Variants in CSMD2 observed in about 807,000 individuals in gnomAD.
CSMD2 encodes CUB and Sushi multiple domains 2.
In CSMD2, 130 loss-of-function variants were observed where a neutral mutation model predicts 398.5. The ratio of observed to expected loss-of-function variants is 0.33; its 90% CI spans 0.28 to 0.38. The LOEUF is 0.38. Ranked by LOEUF, CSMD2 falls within the 10% of genes least tolerant of loss-of-function variation. CSMD2 has a pLI of 1.00. For missense variants in CSMD2, 3,829 were observed against 4,764.9 expected, an observed-to-expected ratio of 0.80 and a Z score of 5.78; for synonymous variants, 1,828 against 1,908.5, an observed-to-expected ratio of 0.96 and a Z score of 1.10.
intron 33 of CSMD2, among the ~76,000 whole-genome samples, chr1:33,626,076 C>A (rs1355582677): frequency 6.6e-6 from 1 of 152,194 alleles, no homozygotes. Flanking sequence ...AGGTGGGATT[C>A]AAATCGATGT....
chr1:33,543,168 A>G (rs1656527183), intron 57 of CSMD2, among the ~76,000 whole-genome samples: 1 of 152,340 alleles, frequency 6.6e-6, no homozygotes, highest in East Asian at 1.9e-4. Context: ...ACAATTGCTT[A>G]ATATCACCAA....
At chr1:33,911,867 C>T (rs1011080286) in intron 5 of CSMD2, among the ~76,000 whole-genome samples, 1 of 152,208 alleles carries the variant, frequency 6.6e-6, no homozygotes, top group Non-Finnish European at 1.5e-5. Context: ...CAGCATCTTC[C>T]TTAGAGAATT....
At position 33,625,079 on chromosome 1, in the gene CSMD2, T is replaced by G. The variant is rs16835683; in HGVS notation, c.5472A>C (p.Gln1824His). 6.2e-7 allele frequency: 1 copy of G among 1,613,858 alleles called. No individual in the cohort carries two copies. Residue 1824 changes from glutamine to histidine, a missense_variant, in exon 34 of 71, where the codon CAA (glutamine) becomes CAC (histidine). Gln to His is a conservative substitution (Grantham distance 24). This residue lies in a region of CSMD2 where 2,001 missense variants were observed against 2,567.1 expected (regional missense o/e 0.78). Coordinates refer to ENST00000373381, the MANE Select transcript of CSMD2 (RefSeq NM_001281956.2). The part of the protein sequence containing the change: ...ECLPVPGALA[Q>H]WNVSAPTCVV... ...CACACGTGGGCGCTGAGACATTCCA[T>G]TGGGCCAAGGCCCCAGGCACAGGGA... is the stretch of plus-strand genomic sequence containing the variant.
intron 41 of CSMD2, among the ~76,000 whole-genome samples, chr1:33,608,989 G>A (rs988413304): frequency 2.6e-5 from 4 of 152,160 alleles, no homozygotes; most frequent in Non-Finnish European, 5.9e-5. Flanking sequence ...GTGACATCAC[G>A]GCCATCCGAC....
At chr1:33,673,591 A>G (rs1484409506) in intron 25 of CSMD2, among the ~76,000 whole-genome samples, 1 of 152,192 alleles carries the variant, frequency 6.6e-6, no homozygotes, top group Non-Finnish European at 1.5e-5. Context: ...CCAACATTCA[A>G]ATTCAGGAAA....
chr1:33,999,542 T>C lies in CSMD2; in HGVS notation c.517+33052A>G, dbSNP rs116115635. On this transcript the variant is annotated intron_variant, in intron 3 of 70. Coordinates refer to ENST00000373381, the MANE Select transcript of CSMD2 (RefSeq NM_001281956.2). Reference sequence around the variant, plus strand: ...TCCTGAGTAGTTGGGACCGCATGCATGCACCACCTCACCCAGCTAATTTTT... The same window carrying C: ...TCCTGAGTAGTTGGGACCGCATGCACGCACCACCTCACCCAGCTAATTTTT... Among the ~76,000 whole-genome samples the C allele has an allele frequency of 5.9e-3, 892 of 151,982 alleles. 8 individuals carry two copies. The highest frequency in any genetic ancestry group is 0.02 in the African/African-American group (809 of 41,450).
In CSMD2 at chr1:33,567,700, C is replaced by T. The variant is rs776112521; in HGVS notation, c.8273G>A (p.Arg2758Gln). 5.6e-6 allele frequency: 9 copies of T among 1,613,974 alleles called. No homozygotes were observed. The highest frequency in any genetic ancestry group is 4.5e-5 in the East Asian group (2 of 44,874). ...ATTGCATTGGTACACCACACTGCCC[C>T]GGTAGCTGTAGTTCTCCCCATTGAT... ...GHINGENYSY[R>Q]GSVVYQCNAG... is the part of the protein sequence containing the mutation. The change falls in exon 53 of 71, where the codon CGG becomes CAG. Residue 2758 changes from arginine to glutamine, a missense_variant. By Grantham distance (43) the Arg-to-Gln change is conservative. This residue lies in a region of CSMD2 where 917 missense variants were observed against 1,199.5 expected (regional missense o/e 0.76). Coordinates refer to ENST00000373381, the MANE Select transcript of CSMD2 (RefSeq NM_001281956.2).
Position 33,618,523 on chromosome 1 carries a change from C to T in CSMD2, c.5828-906G>A, listed in dbSNP as rs1041436088. ...GATCACCTCCACAGGATCTCAAATGCTCCTCCTTCAGTCTCCTTTCTTGAC... is the reference window on the plus strand; with the variant it reads ...GATCACCTCCACAGGATCTCAAATGTTCCTCCTTCAGTCTCCTTTCTTGAC... On this transcript the variant is annotated intron_variant, in intron 37 of 70. Coordinates refer to ENST00000373381, the MANE Select transcript of CSMD2 (RefSeq NM_001281956.2). Among the ~76,000 whole-genome samples, 91 of 152,054 alleles carry T rather than the reference C, an allele frequency of 6.0e-4. 1 individual carries two copies. Among genetic ancestry groups the T allele is most frequent in the Admixed American group, 3.3e-4 (5 of 15,268 alleles).
At chr1:33,997,362 C>T (rs1326028143) in intron 3 of CSMD2, among the ~76,000 whole-genome samples, 1 of 152,318 alleles carries the variant, frequency 6.6e-6, no homozygotes, top group Non-Finnish European at 1.5e-5. Flanking sequence ...CGGGTGCCTG[C>T]GTGTCCTTAG....
chr1:34,100,413 C>T (rs1659827978), intron 1 of CSMD2, among the ~76,000 whole-genome samples: 1 of 152,124 alleles, frequency 6.6e-6, no homozygotes, highest in Admixed American at 6.6e-5. Flanking sequence ...TAGTTTAGCT[C>T]ATTTTTCTGC....
In CSMD2 at chr1:33,657,149, C is replaced by G. The variant is rs561574979; in HGVS notation, c.4447+797G>C. Among the ~76,000 whole-genome samples the G allele has an allele frequency of 6.6e-5, 10 of 152,240 alleles. No individual in the cohort carries two copies. The South Asian group carries it at 2.1e-3, about 32-fold the overall frequency. On this transcript the variant is annotated intron_variant, in intron 27 of 70. Coordinates refer to ENST00000373381, the MANE Select transcript of CSMD2 (RefSeq NM_001281956.2). The stretch of plus-strand genomic sequence containing the variant: ...TAGACAAGTCTCAGGTCCTTCATGT[C>G]TTCATCTCTCATACAGGAAGGTTTT...
chr1:33,837,221 C>G (rs1168876042), intron 6 of CSMD2, among the ~76,000 whole-genome samples: 1 of 152,134 alleles, frequency 6.6e-6, no homozygotes. Context: ...ACTCAACAGA[C>G]TGGGACAGAC....
chr1:33,726,610 G>T lies in CSMD2; in HGVS notation c.2444C>A (p.Ala815Asp). 6.2e-7 allele frequency: 1 copy of T among 1,613,754 alleles called. No individual in the cohort carries two copies. Among genetic ancestry groups the T allele is most frequent in the Non-Finnish European group, 8.5e-7 (1 of 1,179,976 alleles). ...CTCAATCACCCAGGCACAGCTCAAG[G>T]CATCCTTGTAGAAGCCAGGCCAGCC... ...SPGWPGFYKD[A>D]LSCAWVIEAQ... Residue 815 changes from alanine to aspartate, a missense_variant, in exon 16 of 71, where the codon GCC (alanine) becomes GAC (aspartate). Transcript: ENST00000373381.
chr1:33,759,330 T>C (rs1423955085), intron 13 of CSMD2, among the ~76,000 whole-genome samples: 3 of 140,034 alleles, frequency 2.1e-5, no homozygotes, highest in African/African-American at 5.1e-5. Flanking sequence ...TTTTCTTTTT[T>C]TTTTTTTTTT....
At position 33,616,999 on chromosome 1, in the gene CSMD2, G is replaced by A. The variant is rs139154233; in HGVS notation, c.5947-24C>T. 4.0e-4 allele frequency: 634 copies of A among 1,602,550 alleles called. 2 individuals are homozygous for A. In the East Asian group the frequency reaches 8.0e-3, roughly 20 times the overall value. ...CCCTGGAGGAATCAGGAACAGGGAT[G>A]GGCTAGCTGTCCCCGTGGGCACAAT... On this transcript the variant is annotated intron_variant, in intron 38 of 70. Transcript: ENST00000373381.
chr1:33,863,908 TGA>T (rs1166493059), intron 5 of CSMD2: 2 of 345,058 alleles, frequency 5.8e-6, no homozygotes, highest in Admixed American at 4.5e-5. Context: ...TCATCTTTCA[TGA>T]GAGGCAAACA....
intron 48 of CSMD2, among the ~76,000 whole-genome samples, chr1:33,578,730 T>C (rs896132327): frequency 1.3e-5 from 2 of 152,144 alleles, no homozygotes; most frequent in Admixed American, 6.5e-5. Context: ...TTGTTTGCCC[T>C]AGGAGTCCCT....
At chr1:33,690,261 C>A (rs1645193041) in intron 25 of CSMD2, among the ~76,000 whole-genome samples, 1 of 152,202 alleles carries the variant, frequency 6.6e-6, no homozygotes, top group South Asian at 2.1e-4. Context: ...TTGAGGCTGA[C>A]CACACTGCTT....
chr1:33,995,744 G>A (rs902732974), intron 3 of CSMD2, among the ~76,000 whole-genome samples: 1 of 152,130 alleles, frequency 6.6e-6, no homozygotes, highest in Non-Finnish European at 1.5e-5. Context: ...TTTTCACCCA[G>A]GAAAGAAATG....
Sources: gnomAD v4.1 joint callset for allele counts (sites outside exome capture counted in the v4.1 genomes callset) on GRCh38, gnomAD v4.1.1 for gene constraint, gnomAD v4.1.1 regional missense constraint, MANE v1.5 for transcripts, NCBI Gene and HGNC (gene_info 2026-07-23, HGNC 2026-07-21) for gene names.